The following TGFBR3 variants were observed in gnomAD, a reference collection of about 807,000 sequenced individuals.
TGFBR3 encodes the protein transforming growth factor beta receptor type 3.
In TGFBR3, 46 loss-of-function variants were observed where a neutral mutation model predicts 87.9. The observed-to-expected ratio is 0.52, with a 90% CI of 0.41 to 0.67. TGFBR3 has a LOEUF of 0.67. TGFBR3 is among the 30% of genes least tolerant of loss of function. TGFBR3 has a pLI of 0.00. For missense variants in TGFBR3, 866 were observed against 1,041.9 expected (o/e 0.83, Z 2.32); for synonymous variants, 381 against 391.6 (o/e 0.97, Z 0.32).
intron 3 of TGFBR3, among the ~76,000 whole-genome samples, chr1:91,764,173 A>G (rs568795105): frequency 5.9e-4 from 90 of 151,838 alleles, no homozygotes; most frequent in Middle Eastern, 3.2e-3. Context: ...CTCTTTCCCA[A>G]TGGTTTTGTC....
intron 16 of TGFBR3, among the ~76,000 whole-genome samples, chr1:91,686,544 T>C (rs1671095734): frequency 6.6e-6 from 1 of 152,220 alleles, no homozygotes; most frequent in African/African-American, 2.4e-5. Flanking sequence ...TATTTTCACA[T>C]GTAAGATGCA....
Position 91,766,905 on chromosome 1 carries a change from T to C in TGFBR3, c.247-8155A>G, listed in dbSNP as rs376252913. On this transcript the variant is annotated intron_variant, in intron 3 of 16. Transcript: ENST00000212355. ...TGAGAACACAGTTTCTTCATCCCCC[T>C]GTCCCACGACTTTACCCTGCACTCT... 3.0e-5 allele frequency among the ~76,000 whole-genome samples: 4 copies of C among 133,288 alleles called. 1 individual carries two copies. The highest frequency in any genetic ancestry group is 5.6e-5 in the African/African-American group (2 of 35,458). 87.4% of individuals were successfully genotyped at this position (133,288 alleles called of 152,430 possible).
chr1:91,782,104 C>G (rs939060159), intron 3 of TGFBR3, among the ~76,000 whole-genome samples: 15 of 152,128 alleles, frequency 9.9e-5, no homozygotes, highest in African/African-American at 3.6e-4. Flanking sequence ...CATGGGCTGA[C>G]AACATACCGA....
Position 91,871,210 on chromosome 1 carries a change from A to G in TGFBR3, c.-113-9566T>C, listed in dbSNP as rs141085050. Among the ~76,000 whole-genome samples the G allele has an allele frequency of 2.2e-3, 336 of 152,334 alleles. 1 individual carries two copies. Among genetic ancestry groups the G allele is most frequent in the African/African-American group, 7.7e-3 (322 of 41,574 alleles). ...CAAAAAAAAGATAGGGACTGTGCCT[A>G]TTACTAAGCCACTGTAGACATCAAC... On this transcript the variant is annotated intron_variant, in intron 1 of 16. Coordinates refer to ENST00000212355, the MANE Select transcript of TGFBR3 (RefSeq NM_003243.5).
chr1:91,865,913 CAAA>C (rs11330651), intron 1 of TGFBR3, among the ~76,000 whole-genome samples: 35 of 108,792 alleles, frequency 3.2e-4, no homozygotes, highest in South Asian at 3.0e-4. Context: ...CTACGTCTCC[CAAA>C]AAAAAAAAAA....
intron 4 of TGFBR3, among the ~76,000 whole-genome samples, chr1:91,737,236 G>A (rs1672996516): frequency 6.6e-6 from 1 of 152,168 alleles, no homozygotes; most frequent in Non-Finnish European, 1.5e-5. Context: ...GTCCCTGACT[G>A]CAGGTCAGTG....
rs766162194 is a variant in TGFBR3, at chr1:91,680,360, T to A, written c.*3379A>T. 63 of 437,178 alleles carry A rather than the reference T, an allele frequency of 1.4e-4. No individual in the cohort carries two copies. Among genetic ancestry groups the A allele is most frequent in the Middle Eastern group, 1.5e-3 (2 of 1,342 alleles). 27.1% of individuals were successfully genotyped at this position (437,178 alleles called of 1,614,324 possible). ...GACACATATTAATAACTGATATATA[T>A]CTTTTTATTATGCACAGATAAAAGA... On this transcript the variant is annotated 3_prime_UTR_variant, in exon 17 of 17. Transcript: ENST00000212355.
chr1:91,815,733 C>T (rs1676198602), intron 2 of TGFBR3, among the ~76,000 whole-genome samples: 1 of 152,202 alleles, frequency 6.6e-6, no homozygotes, highest in Non-Finnish European at 1.5e-5. Flanking sequence ...ATTCTATAAA[C>T]TCTAAGTGAG....
intron 16 of TGFBR3, among the ~76,000 whole-genome samples, chr1:91,689,904 G>A (rs1671214096): frequency 6.8e-6 from 1 of 147,732 alleles, no homozygotes; most frequent in African/African-American, 2.5e-5. Context: ...GCATTTAAAG[G>A]CATTGACTTG....
At chr1:91,891,224 T>C (rs6604062) in intron 2 of TGFBR3, among the ~76,000 whole-genome samples, 140,346 of 150,830 alleles carry the variant, frequency 0.93, 65,881 homozygotes, top group Non-Finnish European at 0.99. Flanking sequence ...CTTCAAAGGC[T>C]AAGTACAGTG....
At chr1:91,819,076 A>G (rs1025155788) in intron 2 of TGFBR3, among the ~76,000 whole-genome samples, 8 of 152,080 alleles carry the variant, frequency 5.3e-5, no homozygotes, top group Admixed American at 5.2e-4. Context: ...ACAATCCTTA[A>G]ATCCTGATCA....
intron 1 of TGFBR3, among the ~76,000 whole-genome samples, chr1:91,901,105 C>T (rs1475866599): frequency 1.3e-5 from 2 of 152,174 alleles, no homozygotes; most frequent in African/African-American, 4.8e-5. Flanking sequence ...TTTTACATTC[C>T]CACTAACACT....
chr1:91,855,618 T>C (rs1677910329), intron 2 of TGFBR3, among the ~76,000 whole-genome samples: 1 of 152,194 alleles, frequency 6.6e-6, no homozygotes, highest in Non-Finnish European at 1.5e-5. Flanking sequence ...AAAAGCACAA[T>C]TATCACAAAT....
intron 3 of TGFBR3, among the ~76,000 whole-genome samples, chr1:91,778,016 C>T (rs1320732476): frequency 2.0e-5 from 3 of 152,124 alleles, no homozygotes; most frequent in African/African-American, 7.2e-5. Context: ...TCTGTCCTGA[C>T]GAAACAGTAG....
chr1:91,705,368 C>T (rs1038466117), intron 14 of TGFBR3, among the ~76,000 whole-genome samples: 31 of 151,636 alleles, frequency 2.0e-4, no homozygotes, highest in Middle Eastern at 3.2e-3. Context: ...GGATTACAGG[C>T]GTGTGCCATG....
chr1:91,808,859 T>C (rs1470091833), intron 2 of TGFBR3, among the ~76,000 whole-genome samples: 1 of 152,166 alleles, frequency 6.6e-6, no homozygotes, highest in Non-Finnish European at 1.5e-5. Context: ...ACAGCATTCA[T>C]TTTGGAGGGG....
intron 3 of TGFBR3, among the ~76,000 whole-genome samples, chr1:91,759,405 A>AC (rs869254979): frequency 2.7e-5 from 4 of 147,148 alleles, no homozygotes; most frequent in African/African-American, 9.8e-5. Flanking sequence ...AAAAAAAAAA[A>AC]CAGGGAAGAA....
chr1:91,721,189 G>C (rs777663413), intron 8 of TGFBR3, among the ~76,000 whole-genome samples: 2 of 151,982 alleles, frequency 1.3e-5, no homozygotes, highest in African/African-American at 4.8e-5. Flanking sequence ...GAGCTGTAAG[G>C]GTCCAAAATA....
chr1:91,787,943 G>GGGAAAAAAAAAAAAAAAAAA (rs945269870), intron 3 of TGFBR3, among the ~76,000 whole-genome samples: 3 of 133,312 alleles, frequency 2.3e-5, no homozygotes, highest in African/African-American at 9.2e-5. Context: ...GTCTCACGGG[G>GGGAAAAAAAAAAAAAAAAAA]AAAAAAAAAA....
Sources: gnomAD v4.1 joint callset for allele counts (sites outside exome capture counted in the v4.1 genomes callset) on GRCh38, gnomAD v4.1.1 for gene constraint, MANE v1.5 for transcripts, NCBI Gene and HGNC (gene_info 2026-07-23, HGNC 2026-07-21) for gene names.